ITPRID1: variants seen among roughly 807,000 people sequenced by gnomAD.
ITPRID1 encodes ITPR interacting domain containing 1, also known as protein ITPRID1.
A neutral mutation model predicts 95.4 loss-of-function variants in ITPRID1; 96 were observed. That is an observed-to-expected ratio of 1.01 (90% CI 0.85 to 1.19). The LOEUF (loss-of-function observed/expected upper bound fraction) is 1.19, where lower values mean the gene tolerates loss of function less well. Ranked by LOEUF, ITPRID1 falls within the 50% of genes most tolerant of loss-of-function variation. ITPRID1 has a pLI of 0.00. For missense variants in ITPRID1, 1,339 were observed against 1,252.9 expected, an observed-to-expected ratio of 1.07 and a Z score of -1.04; for synonymous variants, 510 against 453.6, an observed-to-expected ratio of 1.12 and a Z score of -1.58.
intron 1 of ITPRID1, among the ~76,000 whole-genome samples, chr7:31,519,163 G>A (rs979037702): frequency 1.3e-5 from 2 of 152,138 alleles, no homozygotes; most frequent in African/African-American, 4.8e-5. Context: ...ACATGGTAGT[G>A]ATGCAAAATG....
intron 5 of ITPRID1, among the ~76,000 whole-genome samples, chr7:31,567,634 C>T (rs929588376): frequency 6.0e-5 from 9 of 150,526 alleles, no homozygotes; most frequent in South Asian, 2.1e-4. Context: ...CAGGCTTGAG[C>T]GCAGTGGCGC....
intron 10 of ITPRID1, among the ~76,000 whole-genome samples, chr7:31,599,852 C>T (rs1035778807): frequency 2.6e-5 from 4 of 151,902 alleles, no homozygotes; most frequent in South Asian, 2.1e-4. Context: ...CCTGCCACCA[C>T]GCCCGGCTAA....
At chr7:31,609,324 A>C (rs1303406648) in intron 10 of ITPRID1, among the ~76,000 whole-genome samples, 10 of 151,598 alleles carry the variant, frequency 6.6e-5, no homozygotes, top group Non-Finnish European at 1.5e-5. Flanking sequence ...GCCCCAGAGA[A>C]TAAGTTGGGA....
Position 31,572,100 on chromosome 7 carries a change from A to G in ITPRID1, c.309-2A>G. On this transcript the variant is annotated splice_acceptor_variant, in intron 6 of 14. Coordinates refer to ENST00000615280, the MANE Select transcript of ITPRID1 (RefSeq NM_001257967.3). LOFTEE classifies it high-confidence loss of function. The stretch of plus-strand genomic sequence containing the variant: ...TCATTGTTGATATTTTCCCAACTGT[A>G]GATCTTTGCATCAGTTTTCAGAAAC... The G allele has an allele frequency of 1.9e-6, 3 of 1,593,530 alleles. No individual in the cohort carries two copies. Among genetic ancestry groups the G allele is most frequent in the Non-Finnish European group, 2.6e-6 (3 of 1,162,452 alleles).
chr7:31,571,522 C>T (rs902844145), intron 6 of ITPRID1, among the ~76,000 whole-genome samples: 1 of 152,192 alleles, frequency 6.6e-6, no homozygotes, highest in Non-Finnish European at 1.5e-5. Context: ...TATATTATGA[C>T]AGGGTTCCAC....
intron 10 of ITPRID1, among the ~76,000 whole-genome samples, chr7:31,618,633 T>TG (rs1278053390): frequency 1.3e-5 from 2 of 152,172 alleles, no homozygotes; most frequent in Non-Finnish European, 2.9e-5. Flanking sequence ...CCTCCATTAA[T>TG]GGGGTCACAA....
intron 10 of ITPRID1, among the ~76,000 whole-genome samples, chr7:31,640,483 C>A (rs1789920152): frequency 6.6e-6 from 1 of 152,212 alleles, no homozygotes; most frequent in South Asian, 2.1e-4. Flanking sequence ...TCCTCAGCTT[C>A]AAGTGTCTGC....
At chr7:31,535,962 T>C in intron 1 of ITPRID1, among the ~76,000 whole-genome samples, 1 of 152,090 alleles carries the variant, frequency 6.6e-6, no homozygotes, top group Middle Eastern at 3.2e-3. Context: ...TGTGACTCAG[T>C]GTAGTGTTCT....
chr7:31,658,490 C>A, downstream of ITPRID1: 1 of 1,096,440 alleles, frequency 9.1e-7, no homozygotes, highest in Non-Finnish European at 1.2e-6. Flanking sequence ...CAAAGTGGTG[C>A]CCCTTTGAGA....
chr7:31,618,737 A>C (rs949441753), intron 10 of ITPRID1, among the ~76,000 whole-genome samples: 1 of 152,212 alleles, frequency 6.6e-6, no homozygotes, highest in African/African-American at 2.4e-5. Flanking sequence ...AAAGCTAAGC[A>C]ACTTGCTCAA....
intron 10 of ITPRID1, among the ~76,000 whole-genome samples, chr7:31,586,461 G>A (rs1785612635): frequency 6.6e-6 from 1 of 151,708 alleles, no homozygotes; most frequent in Admixed American, 6.6e-5. Flanking sequence ...CACCAACAGT[G>A]TAAAAGTATT....
chr7:31,554,955 A>G, intron 5 of ITPRID1, 54 bp downstream of exon 5: 1 of 1,222,164 alleles, frequency 8.2e-7, no homozygotes, highest in Non-Finnish European at 1.2e-6. Flanking sequence ...GATATATTCA[A>G]ATATCTACGT....
chr7:31,615,644 A>G (rs1388707519), intron 10 of ITPRID1, among the ~76,000 whole-genome samples: 1 of 151,676 alleles, frequency 6.6e-6, no homozygotes, highest in Non-Finnish European at 1.5e-5. Context: ...ATGGTTGTGT[A>G]ATTACATAGG....
chr7:31,639,986 G>A (rs38390), intron 10 of ITPRID1, among the ~76,000 whole-genome samples: 24,248 of 151,978 alleles, frequency 0.16, 2,371 homozygotes, highest in Non-Finnish European at 0.2. Flanking sequence ...TTTAATATAT[G>A]CCACACATTT....
chr7:31,633,206 G>A (rs922682990), intron 10 of ITPRID1, among the ~76,000 whole-genome samples: 8 of 152,224 alleles, frequency 5.3e-5, no homozygotes, highest in East Asian at 3.9e-4. Context: ...GATTTACGCT[G>A]AGGAGAAAGG....
intron 10 of ITPRID1, among the ~76,000 whole-genome samples, chr7:31,610,376 G>C (rs536380779): frequency 6.6e-6 from 1 of 151,634 alleles, no homozygotes; most frequent in South Asian, 2.1e-4. Context: ...CAGGAGTAAA[G>C]GCATAAAAAG....
rs370201894 is a variant in ITPRID1 at position 31,651,250 on chromosome 7, G to A, written c.2692G>A (p.Asp898Asn). ...GGGACAGCAGGCCCTCTTTTCCAGGGACATGTCAGAGGAGGAAAGGTAATT... is the reference window on the plus strand; with the variant it reads ...GGGACAGCAGGCCCTCTTTTCCAGGAACATGTCAGAGGAGGAAAGGTAATT... ...LMGQQALFSRDMSEEEREEAE... is the reference protein window; with the variant it reads ...LMGQQALFSRNMSEEEREEAE... The change falls in exon 13 of 15, where the codon GAC becomes AAC. Residue 898 changes from aspartate (D) to asparagine (N), a missense_variant. By Grantham distance (23) the Asp-to-Asn change is conservative. Transcript: ENST00000615280. 6.2e-7 allele frequency: 1 copy of A among 1,613,338 alleles called. No homozygotes were observed. Among genetic ancestry groups the A allele is most frequent in the South Asian group, 1.1e-5 (1 of 91,040 alleles).
chr7:31,574,217 T>C (rs919507237), intron 7 of ITPRID1, among the ~76,000 whole-genome samples: 37 of 152,096 alleles, frequency 2.4e-4, no homozygotes, highest in African/African-American at 7.5e-4. Context: ...CCACTTGTTT[T>C]TGGTTGTCAG....
chr7:31,590,170 G>C (rs1213195185), intron 10 of ITPRID1, among the ~76,000 whole-genome samples: 3 of 152,090 alleles, frequency 2.0e-5, no homozygotes, highest in Non-Finnish European at 4.4e-5. Context: ...CTAGTGTCAA[G>C]AGATCCTCCT....
Sources: allele counts gnomAD v4.1 joint callset (sites outside exome capture counted in the v4.1 genomes callset), GRCh38; gene constraint gnomAD v4.1.1; transcripts MANE v1.5; gene names NCBI Gene and HGNC (gene_info 2026-07-23, HGNC 2026-07-21).